The following CDIN1 variants were observed in gnomAD, a reference collection of about 807,000 sequenced individuals.
CDIN1 encodes the protein CDAN1-interacting nuclease 1.
In CDIN1, 33 loss-of-function variants were observed where a neutral mutation model predicts 45.3. That is an observed-to-expected ratio of 0.73 (90% CI 0.55 to 0.97). CDIN1 has a LOEUF of 0.97. Ranked by LOEUF, CDIN1 falls within the 50% of genes least tolerant of loss-of-function variation. The pLI is 0.00. For synonymous variants in CDIN1, 118 were observed against 124.4 expected (o/e 0.95, Z 0.34); for missense variants, 303 against 339.4 (o/e 0.89, Z 0.84).
intron 1 of CDIN1, among the ~76,000 whole-genome samples, chr15:36,601,132 T>A (rs2038079228): frequency 6.6e-6 from 1 of 152,168 alleles, no homozygotes; most frequent in Admixed American, 6.5e-5. Flanking sequence ...AGTGCTAACA[T>A]TCTGCAGTGT....
intron 7 of CDIN1, 100 bp downstream of exon 7, chr15:36,692,275 C>A: frequency 9.1e-7 from 1 of 1,093,784 alleles, no homozygotes; most frequent in Non-Finnish European, 1.3e-6. Flanking sequence ...CTTCACAAAA[C>A]ACATTTCATA....
intron 1 of CDIN1, chr15:36,614,138 A>G: frequency 1.4e-6 from 1 of 734,724 alleles, no homozygotes. Context: ...AAATGCACCA[A>G]AGAGGAGTAT....
chr15:36,785,594 C>T (rs190383860), intron 10 of CDIN1, among the ~76,000 whole-genome samples: 104 of 152,262 alleles, frequency 6.8e-4, no homozygotes, highest in African/African-American at 2.4e-3. Flanking sequence ...AGTGCCTGAG[C>T]GGCTGATTGG....
intron 10 of CDIN1, among the ~76,000 whole-genome samples, chr15:36,757,860 A>G (rs1025765800): frequency 6.6e-6 from 1 of 152,100 alleles, no homozygotes; most frequent in Admixed American, 6.6e-5. Context: ...ATCATCTCAA[A>G]TCATCACAGG....
At chr15:36,645,385 C>A in intron 3 of CDIN1, 98 bp downstream of exon 3, 2 of 1,043,872 alleles carry the variant, frequency 1.9e-6, no homozygotes, top group South Asian at 3.3e-5. Flanking sequence ...TGTCATATCC[C>A]AAGACATTGT....
intron 10 of CDIN1, among the ~76,000 whole-genome samples, chr15:36,751,340 A>G (rs991739209): frequency 1.3e-5 from 2 of 149,432 alleles, no homozygotes; most frequent in African/African-American, 2.5e-5. Flanking sequence ...GGAAATTCCT[A>G]GGTATTCCTG....
intron 5 of CDIN1, among the ~76,000 whole-genome samples, chr15:36,682,767 C>CAAAAAAAAA (rs10706117): frequency 1.6e-5 from 1 of 61,378 alleles, no homozygotes. Context: ...AAGACCCTGC[C>CAAAAAAAAA]AAAAAAAAAA....
At chr15:36,741,845 A>G (rs1161500227) in intron 10 of CDIN1, among the ~76,000 whole-genome samples, 1 of 152,098 alleles carries the variant, frequency 6.6e-6, no homozygotes, top group East Asian at 1.9e-4. Context: ...GTCCCCAAAT[A>G]CAGTCACATT....
At position 36,579,878 on chromosome 15, in the gene CDIN1, T is replaced by C; in HGVS notation, c.18T>C (p.Ala6=). The change falls in exon 1 of 11, where the codon GCT becomes GCC. Residue 6 remains alanine (A), a synonymous_variant. Coordinates refer to ENST00000566621, the MANE Select transcript of CDIN1 (RefSeq NM_001321759.2). MILTK[A]QYDEIAQCLV... Reference sequence around the variant, plus strand: ...GGCCCAACATGATACTGACCAAAGCTCAGTACGACGAGATAGCCCAGTGCC... The same window carrying C: ...GGCCCAACATGATACTGACCAAAGCCCAGTACGACGAGATAGCCCAGTGCC... The C allele has an allele frequency of 6.2e-7, 1 of 1,613,786 alleles. No homozygotes were observed. The highest frequency in any genetic ancestry group is 8.5e-7 in the Non-Finnish European group (1 of 1,179,844).
At chr15:36,669,026 T>C (rs1209996400) in intron 5 of CDIN1, 2 of 152,144 alleles carry the variant, frequency 1.3e-5, no homozygotes, top group African/African-American at 4.8e-5. Context: ...TTAGGTACTC[T>C]TGAATTGTGA....
chr15:36,637,363 T>C (rs572557607), intron 1 of CDIN1, among the ~76,000 whole-genome samples: 85 of 152,216 alleles, frequency 5.6e-4, no homozygotes, highest in African/African-American at 2.0e-3. Flanking sequence ...ACACAAAAAG[T>C]ACTAAAACAA....
chr15:36,698,199 A>C (rs1461884799), intron 8 of CDIN1, among the ~76,000 whole-genome samples: 1 of 152,234 alleles, frequency 6.6e-6, no homozygotes, highest in Non-Finnish European at 1.5e-5. Flanking sequence ...AATTGGCCCA[A>C]ACCAAATGCA....
intron 5 of CDIN1, among the ~76,000 whole-genome samples, chr15:36,672,594 A>G (rs2140547625): frequency 6.6e-6 from 1 of 152,026 alleles, no homozygotes; most frequent in East Asian, 1.9e-4. Flanking sequence ...GGTGGAGAAT[A>G]ACTAATTTGA....
chr15:36,612,870 C>T (rs538727451), intron 1 of CDIN1, among the ~76,000 whole-genome samples: 1 of 152,282 alleles, frequency 6.6e-6, no homozygotes, highest in South Asian at 2.1e-4. Context: ...CATCTTTTCC[C>T]TAAGAAAACG....
At chr15:36,752,001 G>A (rs961324756) in intron 10 of CDIN1, among the ~76,000 whole-genome samples, 3 of 152,116 alleles carry the variant, frequency 2.0e-5, no homozygotes, top group African/African-American at 7.2e-5. Context: ...GCCTGTTGGG[G>A]GTGCAGGGGA....
chr15:36,695,638 G>T (rs2042395176), intron 7 of CDIN1, among the ~76,000 whole-genome samples: 1 of 152,212 alleles, frequency 6.6e-6, no homozygotes, highest in Middle Eastern at 3.4e-3. Flanking sequence ...CTTGAAGTTA[G>T]GAGTTTGAGA....
intron 10 of CDIN1, among the ~76,000 whole-genome samples, chr15:36,802,629 T>C (rs2055087944): frequency 6.6e-6 from 1 of 152,102 alleles, no homozygotes; most frequent in Admixed American, 6.6e-5. Flanking sequence ...AATTATAGGA[T>C]AGTGTTAGAG....
At chr15:36,618,996 T>C in intron 1 of CDIN1, 2 of 1,523,548 alleles carry the variant, frequency 1.3e-6, no homozygotes, top group South Asian at 2.5e-5. Flanking sequence ...CTTCAGTTCT[T>C]GTGTAGCCAC....
chr15:36,607,052 G>A lies in CDIN1; in HGVS notation c.101+27091G>A, dbSNP rs574615667. 5.1e-4 allele frequency among the ~76,000 whole-genome samples: 77 copies of A among 152,282 alleles called. 3 individuals are homozygous for A. The highest frequency in any genetic ancestry group is 2.1e-3 in the East Asian group (11 of 5,174). ...TGATCAGTGGTACTTGTGACAGAAG[G>A]TGTTTTCTTGGTCCCTACGTTTGTG... On this transcript the variant is annotated intron_variant, in intron 1 of 10. Transcript: ENST00000566621.
Sources: gnomAD v4.1 joint callset for allele counts (sites outside exome capture counted in the v4.1 genomes callset) on GRCh38, gnomAD v4.1.1 for gene constraint, MANE v1.5 for transcripts, NCBI Gene and HGNC (gene_info 2026-07-23, HGNC 2026-07-21) for gene names.